OR56A3: variants seen among roughly 807,000 people sequenced by gnomAD.
OR56A3 encodes olfactory receptor family 56 subfamily A member 3, also known as olfactory receptor 56A3.
A neutral mutation model predicts 17.5 loss-of-function variants in OR56A3; 23 were observed. The observed-to-expected ratio is 1.32, with a 90% CI of 0.95 to 1.87. The LOEUF (loss-of-function observed/expected upper bound fraction) is 1.87, where lower values mean the gene tolerates loss of function less well. OR56A3 is among the 40% of genes most tolerant of loss of function. The pLI is 0.00. For synonymous variants in OR56A3, 175 were observed against 150.6 expected, an observed-to-expected ratio of 1.16 and a Z score of -1.19; for missense variants, 366 against 380.1, an observed-to-expected ratio of 0.96 and a Z score of 0.31.
chr11:5,982,743 A>T, the OR56A3 span, among the ~76,000 whole-genome samples: 3 of 152,028 alleles, frequency 2.0e-5, no homozygotes, highest in Admixed American at 2.0e-4. Flanking sequence ...CGTTCCTTCC[A>T]TGTCTCCAAA....
At chr11:5,994,666 G>T in the OR56A3 span, 1 of 792,050 alleles carries the variant, frequency 1.3e-6, no homozygotes. Flanking sequence ...TCTCATACTT[G>T]ATTCTAAAGT....
rs1847843194 is a variant in OR56A3, at chr11:5,942,273, G to A, written c.-415G>A. 1 of 152,208 alleles carries A rather than the reference G, an allele frequency of 6.6e-6. No homozygotes were observed. Among genetic ancestry groups the A allele is most frequent in the Non-Finnish European group, 1.5e-5 (1 of 68,044 alleles). The allele number at this position is 152,208 out of a possible 1,614,324, so 9.4% of individuals were successfully genotyped here. On this transcript the variant is annotated 5_prime_UTR_variant, in exon 1 of 3. Transcript: ENST00000641160. Reference sequence around the variant, plus strand: ...CAAAGATTAGCCAGAAGACTAGAGAGATCTCTGTCTTCAGTCCCTATCTGT... The same window carrying A: ...CAAAGATTAGCCAGAAGACTAGAGAAATCTCTGTCTTCAGTCCCTATCTGT...
the OR56A3 span, chr11:5,994,201 C>T: frequency 3.8e-6 from 2 of 525,988 alleles, no homozygotes; most frequent in Admixed American, 2.3e-5. Flanking sequence ...CTCCCTCAGG[C>T]TGTTCTCTAA....
chr11:5,985,902 G>T, the OR56A3 span: 9 of 1,539,080 alleles, frequency 5.8e-6, no homozygotes, highest in Admixed American at 1.2e-4. Flanking sequence ...GTGGTCCGCA[G>T]AAGAAGCCTC....
At chr11:5,999,583 G>A in the OR56A3 span, 1 of 152,032 alleles carries the variant, frequency 6.6e-6, no homozygotes, top group South Asian at 2.1e-4. Flanking sequence ...ACTATATAAA[G>A]GTTCATTTTG....
the OR56A3 span, among the ~76,000 whole-genome samples, chr11:5,959,325 T>C: frequency 6.6e-6 from 1 of 152,144 alleles, no homozygotes; most frequent in Non-Finnish European, 1.5e-5. Context: ...TGTTTTGTTT[T>C]CCTTTTTGTT....
the OR56A3 span, among the ~76,000 whole-genome samples, chr11:6,017,570 C>T: frequency 1.3e-5 from 2 of 152,090 alleles, no homozygotes; most frequent in African/African-American, 4.8e-5. Flanking sequence ...ATAATTCAAT[C>T]GCCTCTCACT....
the OR56A3 span, among the ~76,000 whole-genome samples, chr11:6,011,050 T>C: frequency 6.6e-6 from 1 of 152,106 alleles, no homozygotes; most frequent in Non-Finnish European, 1.5e-5. Context: ...AAAGTTAAAA[T>C]GCAAACCCCT....
the OR56A3 span, among the ~76,000 whole-genome samples, chr11:6,015,911 T>C: frequency 6.6e-6 from 1 of 152,152 alleles, no homozygotes; most frequent in Non-Finnish European, 1.5e-5. Context: ...TTTGGGGGAC[T>C]GTTGGGAAGG....
intron 1 of OR56A3, among the ~76,000 whole-genome samples, chr11:5,942,998 C>T (rs563967873): frequency 6.6e-6 from 1 of 152,318 alleles, no homozygotes; most frequent in Non-Finnish European, 1.5e-5. Context: ...CATCTTGTTC[C>T]TGGCTGGAAC....
chr11:5,986,691 G>A, the OR56A3 span: 2 of 1,613,984 alleles, frequency 1.2e-6, no homozygotes, highest in Non-Finnish European at 1.7e-6. Flanking sequence ...GCATGGACAG[G>A]AAGAGGTACA....
Position 5,948,488 on chromosome 11 carries a change from G to A in OR56A3, c.*194G>A, listed in dbSNP as rs1349067735. On this transcript the variant is annotated 3_prime_UTR_variant, in exon 3 of 3. Coordinates refer to ENST00000641160, the MANE Select transcript of OR56A3 (RefSeq NM_001003443.3). The stretch of plus-strand genomic sequence containing the variant: ...CACCCTTTTCTCAGAAATATTCTTG[G>A]CCCTCTCTCGTTTTATTCCATGCTT... 5.5e-6 allele frequency: 3 copies of A among 544,040 alleles called. No homozygotes were observed. Among genetic ancestry groups the A allele is most frequent in the Admixed American group, 3.2e-5 (1 of 30,830 alleles). The allele number at this position is 544,040 out of a possible 1,614,324, so 33.7% of individuals were successfully genotyped here.
the OR56A3 span, chr11:6,001,101 A>T: frequency 6.6e-6 from 1 of 152,216 alleles, no homozygotes; most frequent in Non-Finnish European, 1.5e-5. Context: ...CCAAAATAGT[A>T]GAATACACTA....
the OR56A3 span, chr11:5,986,293 T>C: frequency 3.7e-6 from 6 of 1,613,908 alleles, no homozygotes; most frequent in East Asian, 2.2e-5. Flanking sequence ...ATAAGCTCGA[T>C]TGACTGTGGT....
intron 2 of OR56A3, among the ~76,000 whole-genome samples, chr11:5,945,370 C>T (rs1001492695): frequency 1.3e-5 from 2 of 151,640 alleles, no homozygotes; most frequent in East Asian, 1.9e-4. Context: ...GTCAGGAGAT[C>T]GAGACCATCC....
At chr11:6,009,572 A>G in the OR56A3 span, among the ~76,000 whole-genome samples, 3 of 152,170 alleles carry the variant, frequency 2.0e-5, no homozygotes, top group African/African-American at 7.2e-5. Flanking sequence ...ACACACACAC[A>G]TAATACATTA....
chr11:5,988,527 T>C, the OR56A3 span, among the ~76,000 whole-genome samples: 1 of 152,198 alleles, frequency 6.6e-6, no homozygotes, highest in Admixed American at 6.5e-5. Flanking sequence ...ATCTTACAGG[T>C]TTATTGTAAA....
chr11:5,943,581 A>G (rs2134359766), intron 1 of OR56A3: 1 of 152,116 alleles, frequency 6.6e-6, no homozygotes, highest in Admixed American at 6.5e-5. Context: ...ACATTTCTGA[A>G]GTTTAAGTCC....
chr11:5,985,555 ACT>A, the OR56A3 span, among the ~76,000 whole-genome samples: 1 of 151,980 alleles, frequency 6.6e-6, no homozygotes, highest in African/African-American at 2.4e-5. Flanking sequence ...TTTTGAAGAA[ACT>A]CTAAACCTAA....
Sources: gnomAD v4.1 joint callset for allele counts (sites outside exome capture counted in the v4.1 genomes callset) on GRCh38, gnomAD v4.1.1 for gene constraint, MANE v1.5 for transcripts, NCBI Gene and HGNC (gene_info 2026-07-23, HGNC 2026-07-21) for gene names.